OPCML: variants seen among roughly 807,000 people sequenced by gnomAD.
OPCML encodes opioid-binding protein/cell adhesion molecule.
A neutral mutation model predicts 37.8 loss-of-function variants in OPCML; 13 were observed. The ratio of observed to expected loss-of-function variants is 0.34; its 90% CI spans 0.22 to 0.55. OPCML has a LOEUF of 0.55. OPCML is among the 20% of genes least tolerant of loss of function. The pLI, the probability that OPCML is intolerant of heterozygous loss-of-function variation, is 0.91. For synonymous variants in OPCML, 176 were observed against 168.8 expected (o/e 1.04, Z -0.33); for missense variants, 341 against 435.6 (o/e 0.78, Z 1.93).
At chr11:132,535,187 C>T (rs1393338739) in intron 3 of OPCML, among the ~76,000 whole-genome samples, 1 of 151,842 alleles carries the variant, frequency 6.6e-6, no homozygotes, top group Non-Finnish European at 1.5e-5. Flanking sequence ...GTAAAAAGTG[C>T]ATAAACTCTC....
chr11:132,941,940 G>A (rs1945592027), intron 2 of OPCML, among the ~76,000 whole-genome samples: 1 of 152,156 alleles, frequency 6.6e-6, no homozygotes, highest in South Asian at 2.1e-4. Flanking sequence ...ACTGTCCTAG[G>A]GGAAGCCAGG....
At chr11:133,049,802 A>G (rs953104950) in intron 1 of OPCML, among the ~76,000 whole-genome samples, 1 of 152,192 alleles carries the variant, frequency 6.6e-6, no homozygotes, top group African/African-American at 2.4e-5. Context: ...GCTAGGCTGA[A>G]CGGCAGCCCC....
chr11:133,512,399 G>C (rs1027476161), intron 1 of OPCML, among the ~76,000 whole-genome samples: 2 of 152,188 alleles, frequency 1.3e-5, no homozygotes, highest in Non-Finnish European at 2.9e-5. Context: ...GTAAGGTATG[G>C]GGAAGAGGTA....
intron 2 of OPCML, among the ~76,000 whole-genome samples, chr11:132,724,018 T>C (rs1944778288): frequency 6.6e-6 from 1 of 152,150 alleles, no homozygotes; most frequent in South Asian, 2.1e-4. Flanking sequence ...TGCCCAGTTG[T>C]TCTGGTGTGA....
chr11:132,669,096 C>G (rs1447962494), intron 2 of OPCML, among the ~76,000 whole-genome samples: 3 of 152,052 alleles, frequency 2.0e-5, no homozygotes, highest in African/African-American at 7.2e-5. Context: ...GGAGATCAAT[C>G]AACACAATTG....
At chr11:132,840,464 T>A (rs535549886) in intron 2 of OPCML, among the ~76,000 whole-genome samples, 2 of 152,248 alleles carry the variant, frequency 1.3e-5, no homozygotes, top group African/African-American at 4.8e-5. Flanking sequence ...CTCATTCATA[T>A]TGGCCCTGCA....
chr11:132,802,688 G>A (rs1366437821), intron 2 of OPCML, among the ~76,000 whole-genome samples: 5 of 152,140 alleles, frequency 3.3e-5, no homozygotes, highest in Non-Finnish European at 7.3e-5. Context: ...TGTGATTTCA[G>A]TGAAGGGTCT....
At chr11:132,567,312 A>T (rs1381999210) in intron 3 of OPCML, among the ~76,000 whole-genome samples, 1 of 152,228 alleles carries the variant, frequency 6.6e-6, no homozygotes, top group Non-Finnish European at 1.5e-5. Context: ...TTTAGAAATG[A>T]GGTTATTGGT....
chr11:133,334,653 T>C (rs1943701800), intron 1 of OPCML, among the ~76,000 whole-genome samples: 1 of 152,228 alleles, frequency 6.6e-6, no homozygotes, highest in Admixed American at 6.5e-5. Flanking sequence ...AATGAAAGTT[T>C]TTTTAAAAGG....
chr11:132,980,053 G>C (rs1946549335), intron 1 of OPCML, among the ~76,000 whole-genome samples: 1 of 152,164 alleles, frequency 6.6e-6, no homozygotes, highest in African/African-American at 2.4e-5. Context: ...TGAGTAGAGA[G>C]AGCAGAAGCC....
intron 1 of OPCML, among the ~76,000 whole-genome samples, chr11:133,408,458 G>A (rs7933768): frequency 0.091 from 13,778 of 152,178 alleles, 1,826 homozygotes; most frequent in African/African-American, 0.29. Context: ...TCATGCATTT[G>A]GATGATTACT....
chr11:132,531,199 C>T (rs969780745), intron 3 of OPCML, among the ~76,000 whole-genome samples: 4 of 152,058 alleles, frequency 2.6e-5, no homozygotes, highest in Admixed American at 1.3e-4. Context: ...AAGAAAGATC[C>T]AAAACAGATT....
rs1483126303 is a variant in OPCML at position 133,140,994 on chromosome 11, AGAAGACGAC to A, written c.62-197993_62-197985del. ...AAGAAGAAGAAGAAGAAGAAGAAGA[AGAAGACGAC>A]GACGACGACGACGACGACGACGACG... On this transcript the variant is annotated intron_variant, in intron 1 of 7. Coordinates refer to ENST00000524381, the MANE Select transcript of OPCML (RefSeq NM_001012393.5). 1.7e-3 allele frequency among the ~76,000 whole-genome samples: 7 copies of A among 4,088 alleles called. 3 individuals carry two copies. The highest frequency in any genetic ancestry group is 4.5e-3 in the Non-Finnish European group (5 of 1,104). 2.7% of individuals were successfully genotyped at this position (4,088 alleles called of 152,430 possible).
At chr11:132,924,789 T>C (rs983070133) in intron 2 of OPCML, among the ~76,000 whole-genome samples, 3 of 152,242 alleles carry the variant, frequency 2.0e-5, no homozygotes, top group African/African-American at 7.2e-5. Flanking sequence ...TGAGCATTCC[T>C]GGATCTGTGG....
At chr11:132,972,234 C>T (rs867374730) in intron 1 of OPCML, among the ~76,000 whole-genome samples, 1 of 152,144 alleles carries the variant, frequency 6.6e-6, no homozygotes, top group Non-Finnish European at 1.5e-5. Flanking sequence ...TTGGTGGCCC[C>T]AGTCCTGCGG....
chr11:132,681,691 C>T (rs1942949845), intron 2 of OPCML, among the ~76,000 whole-genome samples: 3 of 152,130 alleles, frequency 2.0e-5, no homozygotes, highest in African/African-American at 7.2e-5. Context: ...CGTGGTGGCT[C>T]ACACCTGTAA....
intron 1 of OPCML, among the ~76,000 whole-genome samples, chr11:133,195,944 A>T (rs1938521235): frequency 6.6e-6 from 1 of 152,236 alleles, no homozygotes; most frequent in Admixed American, 6.5e-5. Context: ...TCTCTAAGTC[A>T]AAGCAATTCC....
intron 1 of OPCML, among the ~76,000 whole-genome samples, chr11:133,031,371 GTGGA>G (rs1176644528): frequency 4.5e-5 from 6 of 134,788 alleles, no homozygotes; most frequent in Non-Finnish European, 6.6e-5. Flanking sequence ...GAATGAGTAG[GTGGA>G]TGGATGGATG....
intron 1 of OPCML, among the ~76,000 whole-genome samples, chr11:133,328,128 G>A (rs569213391): frequency 1.3e-5 from 2 of 151,396 alleles, no homozygotes; most frequent in South Asian, 2.1e-4. Flanking sequence ...ACAGAATAAT[G>A]ATATTATAAA....
Sources: allele counts gnomAD v4.1 joint callset (sites outside exome capture counted in the v4.1 genomes callset), GRCh38; gene constraint gnomAD v4.1.1; transcripts MANE v1.5; gene names NCBI Gene and HGNC (gene_info 2026-07-23, HGNC 2026-07-21).